Variants in MON1B observed in about 807,000 individuals in gnomAD.
The protein encoded by MON1B is vacuolar fusion protein MON1 homolog B.
MON1B carries 26 observed loss-of-function variants against 45.1 expected under a neutral mutation model. The observed-to-expected ratio is 0.58, with a 90% CI of 0.42 to 0.80. The LOEUF (loss-of-function observed/expected upper bound fraction) is 0.80. Among genes scored for constraint, MON1B ranks in the 30% least tolerant of loss-of-function variants. The probability of loss-of-function intolerance (pLI) is 0.00; values close to 1 mark genes in which losing one functional copy is unlikely to be tolerated. For synonymous variants in MON1B, 395 were observed against 320.2 expected, an observed-to-expected ratio of 1.23 and a Z score of -2.49; for missense variants, 737 against 754.5, an observed-to-expected ratio of 0.98 and a Z score of 0.27.
chr16:77,199,396 G>C lies in MON1B; in HGVS notation c.*1088G>C. 1.3e-6 allele frequency: 2 copies of C among 1,531,224 alleles called. No individual in the cohort carries two copies. Among genetic ancestry groups the C allele is most frequent in the Non-Finnish European group, 1.8e-6 (2 of 1,130,420 alleles). 94.9% of individuals were successfully genotyped at this position (1,531,224 alleles called of 1,614,324 possible). A position where few individuals can be genotyped will look rare whatever the true frequency, so the allele number is the denominator to read the frequency against. On this transcript the variant is annotated 3_prime_UTR_variant, in exon 6 of 6. Coordinates refer to ENST00000248248, the MANE Select transcript of MON1B (RefSeq NM_014940.4). ...CTGAAAAGCCTTTCACCCTCACGTGGTTTCTTTTTTAACCAGTCATCAAGC... is the reference window on the plus strand; with the variant it reads ...CTGAAAAGCCTTTCACCCTCACGTGCTTTCTTTTTTAACCAGTCATCAAGC...
chr16:77,194,297 C>T lies in MON1B; in HGVS notation c.476-38C>T. Reference sequence around the variant, plus strand: ...CTGTCTCCCTCTGGTCATTCCTGATCCAGCTGTACCCCCCCTTCTTACCCC... The same window carrying T: ...CTGTCTCCCTCTGGTCATTCCTGATTCAGCTGTACCCCCCCTTCTTACCCC... On this transcript the variant is annotated intron_variant, in intron 3 of 5. Transcript: ENST00000248248. This position sits in a 1 kb window ranked among gnomAD's most constrained non-coding sequence, Gnocchi z 8.1. The T allele has an allele frequency of 1.3e-6, 2 of 1,555,308 alleles. No individual in the cohort carries two copies. The highest frequency in any genetic ancestry group is 1.8e-6 in the Non-Finnish European group (2 of 1,140,072).
chr16:77,193,429 C>A lies in MON1B; in HGVS notation c.149-22C>A. 1.3e-6 allele frequency: 2 copies of A among 1,532,340 alleles called. No homozygotes were observed. Among genetic ancestry groups the A allele is most frequent in the Non-Finnish European group, 8.8e-7 (1 of 1,139,534 alleles). 94.9% of individuals were successfully genotyped at this position (1,532,340 alleles called of 1,614,324 possible). Reference sequence around the variant, plus strand: ...TAGTTAGGAGTTCACATGCAGATGACCCACCAGGGGCTCCCTTTCAGGATC... The same window carrying A: ...TAGTTAGGAGTTCACATGCAGATGAACCACCAGGGGCTCCCTTTCAGGATC... On this transcript the variant is annotated intron_variant, in intron 2 of 5. Transcript: ENST00000248248. The surrounding 1 kb of genome is among the most constrained non-coding windows in gnomAD (Gnocchi z 5.0).
rs994707723 is a variant in MON1B, at chr16:77,194,195, C to A, written c.476-140C>A. ...AGATTCCTCCAGCTTGTCCTTACCC[C>A]AGTCCAGGTGCCCACAGAGTGAGCA... On this transcript the variant is annotated intron_variant, in intron 3 of 5. Coordinates refer to ENST00000248248, the MANE Select transcript of MON1B (RefSeq NM_014940.4). This position sits in a 1 kb window ranked among gnomAD's most constrained non-coding sequence, Gnocchi z 8.1. The A allele has an allele frequency of 1.3e-6, 1 of 790,434 alleles. No individual in the cohort carries two copies. Among genetic ancestry groups the A allele is most frequent in the Non-Finnish European group, 2.2e-6 (1 of 455,430 alleles). 49.0% of individuals were successfully genotyped at this position (790,434 alleles called of 1,614,324 possible).
chr16:77,193,687 GTGGAGGCGCTGTCGGCT>G lies in MON1B; in HGVS notation c.386_402del (p.Val129AspfsTer25). On this transcript the variant is annotated frameshift_variant, in exon 3 of 6. Coordinates refer to ENST00000248248, the MANE Select transcript of MON1B (RefSeq NM_014940.4). LOFTEE classifies it high-confidence loss of function. This position sits in a 1 kb window ranked among gnomAD's most constrained non-coding sequence, Gnocchi z 5.0. The stretch of plus-strand genomic sequence containing the variant: ...GCCCATCTACTCGCGGTATGGTAGT[GTGGAGGCGCTGTCGGCT>G]ACCATGGGTGTAATGACCGCCCTGG... 6.2e-7 allele frequency: 1 copy of G among 1,614,082 alleles called. No individual in the cohort carries two copies. Among genetic ancestry groups the G allele is most frequent in the Non-Finnish European group, 8.5e-7 (1 of 1,179,964 alleles).
rs763497340 is a variant in MON1B at position 77,194,360 on chromosome 16, A to G, written c.501A>G (p.Gln167=). The G allele has an allele frequency of 5.0e-6, 8 of 1,608,506 alleles. No homozygotes were observed. Among genetic ancestry groups the G allele is most frequent in the African/African-American group, 1.3e-5 (1 of 75,002 alleles). ...AGGACCACAAGCTGGTGTTCCTACA[A>G]CAGGGCCCACTGTTGCTCGTGGCCA... ...YAEDHKLVFL[Q]QGPLLLVAMS... is the part of the protein sequence containing the mutation. The change falls in exon 4 of 6, where the codon CAA becomes CAG. Residue 167 remains glutamine, a synonymous_variant. Coordinates refer to ENST00000248248, the MANE Select transcript of MON1B (RefSeq NM_014940.4). This position sits in a 1 kb window ranked among gnomAD's most constrained non-coding sequence, Gnocchi z 8.1.
rs1224075035 is a variant in MON1B at position 77,199,572 on chromosome 16, A to G, written c.*1264A>G. 2.4e-6 allele frequency: 3 copies of G among 1,233,848 alleles called. No individual in the cohort carries two copies. The highest frequency in any genetic ancestry group is 3.5e-6 in the Non-Finnish European group (3 of 867,624). The allele number at this position is 1,233,848 out of a possible 1,614,324, so 76.4% of individuals were successfully genotyped here. A position where few individuals can be genotyped will look rare whatever the true frequency, so the allele number is the denominator to read the frequency against. ...CCAACCAGGGCAGAAAGGAGGGAGG[A>G]TTCGTCCCATTACAATAATGAAATA... On this transcript the variant is annotated 3_prime_UTR_variant, in exon 6 of 6. Transcript: ENST00000248248.
In MON1B at chr16:77,199,010, C is replaced by T. The variant is rs1162394722; in HGVS notation, c.*702C>T. The T allele has an allele frequency of 1.8e-5, 3 of 164,322 alleles. No homozygotes were observed. The highest frequency in any genetic ancestry group is 7.2e-5 in the African/African-American group (3 of 41,718). The allele number at this position is 164,322 out of a possible 1,614,324, so 10.2% of individuals were successfully genotyped here. Reference sequence around the variant, plus strand: ...CTTAGCCTCTAAGCCTCGTTTTACTCATCTGTGAAACAGAGATAAGTAACC... The same window carrying T: ...CTTAGCCTCTAAGCCTCGTTTTACTTATCTGTGAAACAGAGATAAGTAACC... On this transcript the variant is annotated 3_prime_UTR_variant, in exon 6 of 6. Coordinates refer to ENST00000248248, the MANE Select transcript of MON1B (RefSeq NM_014940.4).
At position 77,197,902 on chromosome 16, in the gene MON1B, ATCCAGTTGAAGTCACTAGG is replaced by A. The variant is rs1385757076; in HGVS notation, c.1444-200_1444-182del. Reference sequence around the variant, plus strand: ...AGTACCCACACACACAACCAGCATCATCCAGTTGAAGTCACTAGGTCCAGCTGAAATTGCACAATATCAG... The same window carrying A: ...AGTACCCACACACACAACCAGCATCATCCAGCTGAAATTGCACAATATCAG... On this transcript the variant is annotated intron_variant, in intron 5 of 5. Coordinates refer to ENST00000248248, the MANE Select transcript of MON1B (RefSeq NM_014940.4). Among the ~76,000 whole-genome samples, 12 of 152,272 alleles carry A rather than the reference ATCCAGTTGAAGTCACTAGG, an allele frequency of 7.9e-5. 1 individual carries two copies. Among genetic ancestry groups the A allele is most frequent in the Admixed American group, 5.9e-4 (9 of 15,294 alleles).
rs78560026 is a variant in MON1B at position 77,195,073 on chromosome 16, T to C, written c.1214T>C (p.Val405Ala). Reference protein sequence around the residue: ...ASAPAYSVQAVGAPGLRHFLY... With the variant: ...ASAPAYSVQAAGAPGLRHFLY... The stretch of plus-strand genomic sequence containing the variant: ...GCTCCTGCCTACAGCGTGCAGGCTG[T>C]CGGGGCGCCGGGCCTCCGGCACTTC... The change falls in exon 4 of 6, where the codon GTC becomes GCC. Residue 405 changes from valine to alanine, a missense_variant. Transcript: ENST00000248248. 6.2e-7 allele frequency: 1 copy of C among 1,607,062 alleles called. No individual in the cohort carries two copies. The highest frequency in any genetic ancestry group is 8.5e-7 in the Non-Finnish European group (1 of 1,179,784).
In MON1B at chr16:77,191,568, C is replaced by G. The variant is rs200958802; in HGVS notation, c.83C>G (p.Ala28Gly). Reference protein sequence around the residue: ...LEDTQFPSEEAREGGGVHAVP... With the variant: ...LEDTQFPSEEGREGGGVHAVP... ...GACACGCAGTTCCCCAGTGAGGAAG[C>G]TAGAGAAGGTGGAGGGGTTCACGCG... Residue 28 changes from alanine to glycine, a missense_variant, in exon 2 of 6, where the codon GCT becomes GGT. Ala to Gly is a moderately conservative substitution (Grantham distance 60). Transcript: ENST00000248248. 3.7e-6 allele frequency: 6 copies of G among 1,609,774 alleles called. No homozygotes were observed. Among genetic ancestry groups the G allele is most frequent in the South Asian group, 1.1e-5 (1 of 90,694 alleles).
chr16:77,192,860 G>C (rs192541538), intron 2 of MON1B, among the ~76,000 whole-genome samples: 1 of 152,064 alleles, frequency 6.6e-6, no homozygotes, highest in Non-Finnish European at 1.5e-5. Context: ...AAATATCTGG[G>C]TGTTAGTGGA....
rs1438059121 is a variant in MON1B, at chr16:77,198,126, C to G, written c.1462C>G (p.Leu488Val). ...LLAWVTSKFE[L>V]YTCLSPLVTK... ...CCCCCAGGTGACCTCCAAATTCGAG[C>G]TCTATACCTGCCTCAGCCCTCTGGT... The change falls in exon 6 of 6, where the codon CTC (leucine) becomes GTC (valine). Residue 488 changes from leucine (L) to valine (V), a missense_variant. By Grantham distance (32) the Leu-to-Val change is conservative. Coordinates refer to ENST00000248248, the MANE Select transcript of MON1B (RefSeq NM_014940.4). The G allele has an allele frequency of 1.2e-6, 2 of 1,614,112 alleles. No individual in the cohort carries two copies. Among genetic ancestry groups the G allele is most frequent in the Non-Finnish European group, 1.7e-6 (2 of 1,180,010 alleles).
chr16:77,199,373 G>A lies in MON1B; in HGVS notation c.*1065G>A. 1.4e-6 allele frequency: 2 copies of A among 1,453,278 alleles called. No individual in the cohort carries two copies. Among genetic ancestry groups the A allele is most frequent in the Non-Finnish European group, 1.9e-6 (2 of 1,062,478 alleles). The allele number at this position is 1,453,278 out of a possible 1,614,324, so 90.0% of individuals were successfully genotyped here. A position where few individuals can be genotyped will look rare whatever the true frequency, so the allele number is the denominator to read the frequency against. ...ACCGCGGGTTGCACGCATGCGTGCTGAAAAGCCTTTCACCCTCACGTGGTT... is the reference window on the plus strand; with the variant it reads ...ACCGCGGGTTGCACGCATGCGTGCTAAAAAGCCTTTCACCCTCACGTGGTT... On this transcript the variant is annotated 3_prime_UTR_variant, in exon 6 of 6. Transcript: ENST00000248248.
chr16:77,201,999 A>T lies in MON1B; in HGVS notation c.*3691A>T, dbSNP rs2042424. ...GCCTAAGTGATAACTCTGGACAAGG[A>T]ATTTGGATTTTGGGAGTAGTGCAGA... is the stretch of plus-strand genomic sequence containing the variant. On this transcript the variant is annotated 3_prime_UTR_variant, in exon 6 of 6. Coordinates refer to ENST00000248248, the MANE Select transcript of MON1B (RefSeq NM_014940.4). The T allele has an allele frequency of 6.6e-6, 1 of 152,180 alleles. No homozygotes were observed. Among genetic ancestry groups the T allele is most frequent in the Non-Finnish European group, 1.5e-5 (1 of 68,052 alleles). 9.4% of individuals were successfully genotyped at this position (152,180 alleles called of 1,614,324 possible). A position where few individuals can be genotyped will look rare whatever the true frequency, so the allele number is the denominator to read the frequency against.
chr16:77,198,052 G>A lies in MON1B; in HGVS notation c.1444-56G>A, dbSNP rs2054684278. ...ACATGCAGCTGCACTGGGGTAGGCA[G>A]GATTGTCCATAGCCAGCTCTGGCCC... On this transcript the variant is annotated intron_variant, in intron 5 of 5. Coordinates refer to ENST00000248248, the MANE Select transcript of MON1B (RefSeq NM_014940.4). The A allele has an allele frequency of 3.9e-6, 6 of 1,554,430 alleles. No homozygotes were observed. In the Admixed American group the frequency reaches 1.0e-4, roughly 26 times the overall value.
rs1342971073 is a variant in MON1B at position 77,199,440 on chromosome 16, C to T, written c.*1132C>T. 5.8e-6 allele frequency: 9 copies of T among 1,551,394 alleles called. No homozygotes were observed. Among genetic ancestry groups the T allele is most frequent in the Non-Finnish European group, 7.8e-6 (9 of 1,146,974 alleles). On this transcript the variant is annotated 3_prime_UTR_variant, in exon 6 of 6. Coordinates refer to ENST00000248248, the MANE Select transcript of MON1B (RefSeq NM_014940.4). ...ATCAAGCGAGGCTCGCGCGCAGGCC[C>T]CGCGTTGGAAAATGGCGGGGAAGCT...
At position 77,198,154 on chromosome 16, in the gene MON1B, C is replaced by A. The variant is rs1597378332; in HGVS notation, c.1490C>A (p.Thr497Asn). The A allele has an allele frequency of 6.2e-7, 1 of 1,614,026 alleles. No homozygotes were observed. ...TATACCTGCCTCAGCCCTCTGGTGA[C>A]CAAGGCAGGTGCAATCTTGGTAGTG... ...ELYTCLSPLV[T>N]KAGAILVVTK... is the part of the protein sequence containing the mutation. The change falls in exon 6 of 6, where the codon ACC (threonine) becomes AAC (asparagine). Residue 497 changes from threonine (T) to asparagine (N), a missense_variant. Physicochemically the swap from Thr to Asn is moderately conservative, Grantham distance 65 (BLOSUM62 0). Transcript: ENST00000248248.
rs1004896846 is a variant in MON1B, at chr16:77,199,896, T to G, written c.*1588T>G. 1.8e-5 allele frequency: 3 copies of G among 168,484 alleles called. No individual in the cohort carries two copies. Among genetic ancestry groups the G allele is most frequent in the Non-Finnish European group, 3.8e-5 (3 of 78,846 alleles). The allele number at this position is 168,484 out of a possible 1,614,324, so 10.4% of individuals were successfully genotyped here. A position where few individuals can be genotyped will look rare whatever the true frequency, so the allele number is the denominator to read the frequency against. On this transcript the variant is annotated 3_prime_UTR_variant, in exon 6 of 6. Coordinates refer to ENST00000248248, the MANE Select transcript of MON1B (RefSeq NM_014940.4). The stretch of plus-strand genomic sequence containing the variant: ...TTCACACCTAACACATATGACACTT[T>G]GATGGACTCTTAAACCTCCTAATCG...
rs750970423 is a variant in MON1B, at chr16:77,198,350, C to T, written c.*42C>T. On this transcript the variant is annotated 3_prime_UTR_variant, in exon 6 of 6. Coordinates refer to ENST00000248248, the MANE Select transcript of MON1B (RefSeq NM_014940.4). ...ACCAGGCAGTGCTGGGAGCAACCAC[C>T]TTTGTTTTTTACCTTCTGTCTACCC... The T allele has an allele frequency of 2.5e-6, 4 of 1,583,552 alleles. No individual in the cohort carries two copies. The highest frequency in any genetic ancestry group is 3.5e-6 in the Non-Finnish European group (4 of 1,152,524).
Sources: allele counts gnomAD v4.1 joint callset (sites outside exome capture counted in the v4.1 genomes callset), GRCh38; gene constraint gnomAD v4.1.1; non-coding constraint Gnocchi (gnomAD v3.1); transcripts MANE v1.5; gene names NCBI Gene and HGNC (gene_info 2026-07-23, HGNC 2026-07-21).